The following TEAD3 variants were observed in gnomAD, a reference collection of about 807,000 sequenced individuals.
TEAD3 encodes the protein transcriptional enhancer factor TEF-5.
A neutral mutation model predicts 55.6 loss-of-function variants in TEAD3; 15 were observed. The observed-to-expected ratio is 0.27, with a 90% CI of 0.18 to 0.42. The LOEUF (loss-of-function observed/expected upper bound fraction) is 0.42. Among genes scored for constraint, TEAD3 ranks in the 10% least tolerant of loss-of-function variants. TEAD3 has a pLI of 1.00. For synonymous variants in TEAD3, 210 were observed against 232.2 expected (o/e 0.90, Z 0.87); for missense variants, 407 against 576.8 (o/e 0.71, Z 3.01).
Position 35,491,383 on chromosome 6 carries a change from G to C in TEAD3, c.-49-4672C>G, listed in dbSNP as rs936759433. 6.6e-6 allele frequency among the ~76,000 whole-genome samples: 1 copy of C among 151,982 alleles called. No individual in the cohort carries two copies. Among genetic ancestry groups the C allele is most frequent in the Admixed American group, 6.6e-5 (1 of 15,254 alleles). On this transcript the variant is annotated intron_variant, in intron 1 of 12. Coordinates refer to ENST00000639578, the Ensembl canonical transcript of TEAD3. This position sits in a 1 kb window ranked among gnomAD's most constrained non-coding sequence, Gnocchi z 4.4. ...TAGACCAGAAACTCAGATATGATAG[G>C]CATCGAGGGAGGGGCAGACCAGGAG... is the stretch of plus-strand genomic sequence containing the variant.
At chr6:35,490,070 T>A (rs1304031451) in intron 1 of TEAD3, among the ~76,000 whole-genome samples, 1 of 151,938 alleles carries the variant, frequency 6.6e-6, no homozygotes, top group Non-Finnish European at 1.5e-5. Context: ...CTAAGGCCCC[T>A]CTTAACCCCT....
At position 35,475,463 on chromosome 6, in the gene TEAD3, C is replaced by T. The variant is rs1768124147; in HGVS notation, c.1067G>A (p.Gly356Glu). ...GCGGTGGATACGGTACACAAAGCGCCCGTTCTCCAGCCTGGCATACTCAGT... is the reference window on the plus strand; with the variant it reads ...GCGGTGGATACGGTACACAAAGCGCTCGTTCTCCAGCCTGGCATACTCAGT... Residue 356 changes from glycine to glutamate, a missense_variant, in exon 12 of 13, where the codon GGG becomes GAG. By Grantham distance (98) the Gly-to-Glu change is moderately conservative. Transcript: ENST00000639578. The surrounding 1 kb of genome is among the most constrained non-coding windows in gnomAD (Gnocchi z 5.4). The T allele has an allele frequency of 6.2e-7, 1 of 1,613,416 alleles. No individual in the cohort carries two copies. The highest frequency in any genetic ancestry group is 2.2e-5 in the East Asian group (1 of 44,850).
chr6:35,496,439 G>A lies in TEAD3; in HGVS notation c.-50+459C>T, dbSNP rs1389336089. 6.6e-6 allele frequency among the ~76,000 whole-genome samples: 1 copy of A among 152,070 alleles called. No individual in the cohort carries two copies. The highest frequency in any genetic ancestry group is 2.4e-5 in the African/African-American group (1 of 41,406). On this transcript the variant is annotated intron_variant, in intron 1 of 12. Transcript: ENST00000639578. The surrounding 1 kb of genome is among the most constrained non-coding windows in gnomAD (Gnocchi z 4.8). ...GCCTGGGCGCTGGGAGGCCGGGCCCGAGGCCTGCGTGGAGCTGAGGCCGGG... is the reference window on the plus strand; with the variant it reads ...GCCTGGGCGCTGGGAGGCCGGGCCCAAGGCCTGCGTGGAGCTGAGGCCGGG...
Position 35,491,896 on chromosome 6 carries a change from G to C in TEAD3, c.-50+5002C>G, listed in dbSNP as rs1768527581. The stretch of plus-strand genomic sequence containing the variant: ...GCTCCAGGGATCAGGCTGGAGCTGG[G>C]GCCGCTGCAGAGGCCCTGGTCCCCC... On this transcript the variant is annotated intron_variant, in intron 1 of 12. Transcript: ENST00000639578. The surrounding 1 kb of genome is among the most constrained non-coding windows in gnomAD (Gnocchi z 4.4). Among the ~76,000 whole-genome samples the C allele has an allele frequency of 6.6e-6, 1 of 152,184 alleles. No individual in the cohort carries two copies. Among genetic ancestry groups the C allele is most frequent in the Admixed American group, 6.5e-5 (1 of 15,284 alleles).
Position 35,484,703 on chromosome 6 carries a change from G to A in TEAD3, c.203-79C>T. The stretch of plus-strand genomic sequence containing the variant: ...CTGGAGGCCCCCACCCCACCGGGAA[G>A]CCACTCCAGGACCCTCCCCAAAACA... On this transcript the variant is annotated intron_variant, in intron 2 of 12. Transcript: ENST00000639578. This position sits in a 1 kb window ranked among gnomAD's most constrained non-coding sequence, Gnocchi z 5.8. 3 of 1,280,982 alleles carry A rather than the reference G, an allele frequency of 2.3e-6. No individual in the cohort carries two copies. The highest frequency in any genetic ancestry group is 3.3e-6 in the Non-Finnish European group (3 of 902,650). 79.4% of individuals were successfully genotyped at this position (1,280,982 alleles called of 1,614,324 possible). A position where few individuals can be genotyped will look rare whatever the true frequency, so the allele number is the denominator to read the frequency against.
chr6:35,495,325 C>T lies in TEAD3; in HGVS notation c.-50+1573G>A, dbSNP rs561342223. On this transcript the variant is annotated intron_variant, in intron 1 of 12. Coordinates refer to ENST00000639578, the Ensembl canonical transcript of TEAD3. ...TCAGGACCCATGTGATGCTTCTGTA[C>T]ACTTAATGTGCTGCTCTGTCCTGGC... 4.6e-5 allele frequency among the ~76,000 whole-genome samples: 7 copies of T among 152,338 alleles called. No individual in the cohort carries two copies. In the South Asian group the frequency reaches 1.2e-3, roughly 27 times the overall value.
At position 35,484,995 on chromosome 6, in the gene TEAD3, G is replaced by A. The variant is rs538587408; in HGVS notation, c.203-371C>T. Among the ~76,000 whole-genome samples the A allele has an allele frequency of 6.6e-5, 10 of 152,256 alleles. No individual in the cohort carries two copies. The South Asian group carries it at 1.2e-3, about 19-fold the overall frequency. On this transcript the variant is annotated intron_variant, in intron 2 of 12. Coordinates refer to ENST00000639578, the Ensembl canonical transcript of TEAD3. The surrounding 1 kb of genome is among the most constrained non-coding windows in gnomAD (Gnocchi z 5.8). Reference sequence around the variant, plus strand: ...AGTAGGGCCTGTCCTGGCCAGGCACGCCCATCCTCCCAGCCCCCAGCAGTG... The same window carrying A: ...AGTAGGGCCTGTCCTGGCCAGGCACACCCATCCTCCCAGCCCCCAGCAGTG...
exon 8 of TEAD3, chr6:35,477,341 T>C: frequency 1.2e-6 from 2 of 1,604,442 alleles, no homozygotes; most frequent in Non-Finnish European, 1.7e-6. Context: ...GGCGGCTGGA[T>C]GGGGTAGGCT....
Position 35,486,239 on chromosome 6 carries a change from G to A in TEAD3, c.202+222C>T, listed in dbSNP as rs541950890. On this transcript the variant is annotated intron_variant, in intron 2 of 12. Transcript: ENST00000639578. This position sits in a 1 kb window ranked among gnomAD's most constrained non-coding sequence, Gnocchi z 7.3. ...CAGGCCGGTAGCGGGGAGGAGAGGA[G>A]GAGCAGGCGGGGGTGCCAAGGTGTG... Among the ~76,000 whole-genome samples the A allele has an allele frequency of 1.3e-5, 2 of 152,366 alleles. No homozygotes were observed. The highest frequency in any genetic ancestry group is 3.9e-4 in the East Asian group (2 of 5,174).
chr6:35,495,398 T>C lies in TEAD3; in HGVS notation c.-50+1500A>G, dbSNP rs554184669. On this transcript the variant is annotated intron_variant, in intron 1 of 12. Coordinates refer to ENST00000639578, the Ensembl canonical transcript of TEAD3. ...CCATTCCCCAGCCCAGATGCGCTCA[T>C]TAGCATTAATGACGTTCCCTCCCTG... Among the ~76,000 whole-genome samples the C allele has an allele frequency of 1.3e-3, 192 of 152,288 alleles. 1 individual carries two copies. Among genetic ancestry groups the C allele is most frequent in the African/African-American group, 4.4e-3 (183 of 41,558 alleles).
rs201586423 is a variant in TEAD3, at chr6:35,489,584, C to T, written c.-49-2873G>A. On this transcript the variant is annotated intron_variant, in intron 1 of 12. Coordinates refer to ENST00000639578, the Ensembl canonical transcript of TEAD3. The stretch of plus-strand genomic sequence containing the variant: ...GAATCTCTCTCCCATGGCCAGTGGG[C>T]GGCCAGAAGGAGCTGTGCCCCTGAC... Among the ~76,000 whole-genome samples, 33 of 152,274 alleles carry T rather than the reference C, an allele frequency of 2.2e-4. No homozygotes were observed. The East Asian group carries it at 5.0e-3, about 23-fold the overall frequency.
chr6:35,480,395 C>T (rs1203105671), intron 3 of TEAD3, 21 bp from the exon 4 acceptor site: 2 of 1,613,216 alleles, frequency 1.2e-6, no homozygotes, highest in East Asian at 2.2e-5. Context: ...CCCCGCGCCC[C>T]GCCAGAGAGG....
chr6:35,486,510 C>T lies in TEAD3; in HGVS notation c.153G>A (p.Pro51=), dbSNP rs370417413. 2.5e-6 allele frequency: 4 copies of T among 1,613,554 alleles called. No homozygotes were observed. The highest frequency in any genetic ancestry group is 1.7e-4 in the Middle Eastern group (1 of 6,060). ...GGATGATCTTCCGCCGGCCGCAGGG[C>T]GGGTAGATGGCCAGGGCCTCCTGGA... is the stretch of plus-strand genomic sequence containing the variant. The change falls in exon 2 of 13, where the codon CCG becomes CCA. Residue 51 remains proline (P), a synonymous_variant. Transcript: ENST00000639578. This position sits in a 1 kb window ranked among gnomAD's most constrained non-coding sequence, Gnocchi z 7.3.
At chr6:35,481,266 T>C (rs2150912546) in intron 3 of TEAD3, among the ~76,000 whole-genome samples, 1 of 152,238 alleles carries the variant, frequency 6.6e-6, no homozygotes, top group East Asian at 1.9e-4. Context: ...CCCTTGACCT[T>C]GTGAAAGATC....
chr6:35,475,096 G>T lies in TEAD3; in HGVS notation c.1256C>A (p.Ser419Tyr). The change falls in exon 13 of 13, where the codon TCC (serine) becomes TAC (tyrosine). Residue 419 changes from serine (S) to tyrosine (Y), a missense_variant. Ser to Tyr is a moderately radical substitution (Grantham distance 144). Coordinates refer to ENST00000639578, the Ensembl canonical transcript of TEAD3. The surrounding 1 kb of genome is among the most constrained non-coding windows in gnomAD (Gnocchi z 5.4). ...GTGCTGGGCCCCGTGCTCACTGGTG[G>T]AGACTTCGAAGACAAAAGCAATGAC... The T allele has an allele frequency of 6.3e-7, 1 of 1,599,372 alleles. No homozygotes were observed. The highest frequency in any genetic ancestry group is 1.3e-5 in the African/African-American group (1 of 74,792).
chr6:35,483,216 T>A lies in TEAD3; in HGVS notation c.267+1344A>T, dbSNP rs1469320339. ...GGTGGTTCATAAATGCTTGAATGAA[T>A]GAGGGATCGTTGCCACCCCTACACT... On this transcript the variant is annotated intron_variant, in intron 3 of 12. Transcript: ENST00000639578. This position sits in a 1 kb window ranked among gnomAD's most constrained non-coding sequence, Gnocchi z 4.5. Among the ~76,000 whole-genome samples the A allele has an allele frequency of 6.6e-6, 1 of 152,220 alleles. No individual in the cohort carries two copies. The highest frequency in any genetic ancestry group is 1.5e-5 in the Non-Finnish European group (1 of 68,040).
Position 35,489,054 on chromosome 6 carries a change from G to A in TEAD3, c.-49-2343C>T, listed in dbSNP as rs142780199. ...TTACAGGCGTGAGCCACTGCGCCCGGCCCTTGATTATTCTAAACTATTATT... is the reference window on the plus strand; with the variant it reads ...TTACAGGCGTGAGCCACTGCGCCCGACCCTTGATTATTCTAAACTATTATT... On this transcript the variant is annotated intron_variant, in intron 1 of 12. Coordinates refer to ENST00000639578, the Ensembl canonical transcript of TEAD3. Among the ~76,000 whole-genome samples, 517 of 152,314 alleles carry A rather than the reference G, an allele frequency of 3.4e-3. 4 individuals are homozygous for A. Among genetic ancestry groups the A allele is most frequent in the African/African-American group, 0.011 (439 of 41,568 alleles).
chr6:35,495,934 C>A (rs1444828556), intron 1 of TEAD3, among the ~76,000 whole-genome samples: 1 of 152,186 alleles, frequency 6.6e-6, no homozygotes, highest in Non-Finnish European at 1.5e-5. Context: ...AGAAGTCCGC[C>A]CCAAGGCCTC....
chr6:35,486,319 G>T lies in TEAD3; in HGVS notation c.202+142C>A. Reference sequence around the variant, plus strand: ...GCTTGTTTATGAGGAGGAGCGCGGAGGAGGATCCAGACACACAGGCTTGCG... The same window carrying T: ...GCTTGTTTATGAGGAGGAGCGCGGATGAGGATCCAGACACACAGGCTTGCG... On this transcript the variant is annotated intron_variant, in intron 2 of 12. Coordinates refer to ENST00000639578, the Ensembl canonical transcript of TEAD3. The surrounding 1 kb of genome is among the most constrained non-coding windows in gnomAD (Gnocchi z 7.3). The T allele has an allele frequency of 9.9e-7, 1 of 1,006,676 alleles. No homozygotes were observed. Among genetic ancestry groups the T allele is most frequent in the Non-Finnish European group, 1.4e-6 (1 of 700,824 alleles). 62.4% of individuals were successfully genotyped at this position (1,006,676 alleles called of 1,614,324 possible). A position where few individuals can be genotyped will look rare whatever the true frequency, so the allele number is the denominator to read the frequency against.
Sources: allele counts gnomAD v4.1 joint callset (sites outside exome capture counted in the v4.1 genomes callset), GRCh38; gene constraint gnomAD v4.1.1; non-coding constraint Gnocchi (gnomAD v3.1); transcripts MANE v1.5; gene names NCBI Gene and HGNC (gene_info 2026-07-23, HGNC 2026-07-21).